The following APLF variants were observed in gnomAD, a reference collection of about 807,000 sequenced individuals.
APLF encodes aprataxin and PNKP like factor.
APLF carries 61 observed loss-of-function variants against 55.6 expected under a neutral mutation model. That is an observed-to-expected ratio of 1.10 (90% CI 0.89 to 1.36). The LOEUF is 1.36. Ranked by LOEUF, APLF falls within the 40% of genes most tolerant of loss-of-function variation. The pLI is 0.00. For missense variants in APLF, 611 were observed against 602.5 expected, an observed-to-expected ratio of 1.01 and a Z score of -0.15; for synonymous variants, 207 against 214.8, an observed-to-expected ratio of 0.96 and a Z score of 0.32.
chr2:68,570,633 T>C (rs1341823223), intron 9 of APLF, among the ~76,000 whole-genome samples: 5 of 152,330 alleles, frequency 3.3e-5, no homozygotes, highest in African/African-American at 1.2e-4. Context: ...TCATCCTTTT[T>C]TATGGCTGCA....
At chr2:68,563,226 A>G in intron 8 of APLF, 1 of 985,308 alleles carries the variant, frequency 1.0e-6, no homozygotes, top group Non-Finnish European at 1.2e-6. Context: ...CAAAGAAACA[A>G]CTTTCCCCTT....
intron 5 of APLF, among the ~76,000 whole-genome samples, chr2:68,519,047 T>C (rs1185281400): frequency 2.4e-5 from 3 of 127,616 alleles, no homozygotes; most frequent in East Asian, 4.2e-4. Context: ...TATATAATAA[T>C]ATAATATATA....
At chr2:68,469,006 GTGTGTGTGTGTGTGT>G (rs1675527547) in intron 1 of APLF, among the ~76,000 whole-genome samples, 1 of 147,638 alleles carries the variant, frequency 6.8e-6, no homozygotes, top group African/African-American at 2.7e-5. Flanking sequence ...GTGTGTGTGT[GTGTGTGTGTGTGTGT>G]TGTGTGTTGT....
chr2:68,567,624 T>C (rs1671342623), intron 9 of APLF, among the ~76,000 whole-genome samples: 1 of 152,108 alleles, frequency 6.6e-6, no homozygotes, highest in South Asian at 2.1e-4. Flanking sequence ...TTAGGATTCT[T>C]TTGTTTGCAA....
At chr2:68,540,360 A>G (rs1360253942) in intron 7 of APLF, among the ~76,000 whole-genome samples, 1 of 152,214 alleles carries the variant, frequency 6.6e-6, no homozygotes. Context: ...TTATGGCTGC[A>G]TAATATTCCA....
chr2:68,520,565 A>G (rs1351750132), intron 5 of APLF, among the ~76,000 whole-genome samples: 2 of 151,918 alleles, frequency 1.3e-5, no homozygotes, highest in Non-Finnish European at 2.9e-5. Flanking sequence ...CATTTGTTGA[A>G]TAGGGTGTCC....
At chr2:68,546,591 G>T (rs1670713803) in intron 8 of APLF, among the ~76,000 whole-genome samples, 1 of 151,684 alleles carries the variant, frequency 6.6e-6, no homozygotes, top group Non-Finnish European at 1.5e-5. Flanking sequence ...TCTATCTAAG[G>T]AATGCATGTT....
intron 8 of APLF, among the ~76,000 whole-genome samples, chr2:68,556,327 AC>A (rs1326510417): frequency 2.0e-5 from 3 of 152,152 alleles, no homozygotes; most frequent in Non-Finnish European, 2.9e-5. Context: ...ACCAAATACC[AC>A]CTGTTCCCCA....
chr2:68,496,755 A>G (rs1169684513), intron 2 of APLF, among the ~76,000 whole-genome samples: 1 of 152,174 alleles, frequency 6.6e-6, no homozygotes, highest in Admixed American at 6.5e-5. Context: ...AAGACGTAAC[A>G]TACTTGACCT....
intron 2 of APLF, among the ~76,000 whole-genome samples, chr2:68,494,111 A>G (rs1676460219): frequency 6.7e-6 from 1 of 148,972 alleles, no homozygotes; most frequent in Admixed American, 6.7e-5. Context: ...CCGTCCCAAA[A>G]GAGAAAAAAA....
intron 1 of APLF, among the ~76,000 whole-genome samples, chr2:68,480,976 G>A (rs1336548352): frequency 6.6e-6 from 1 of 152,162 alleles, no homozygotes; most frequent in South Asian, 2.1e-4. Flanking sequence ...TGATCATGGT[G>A]TATAATCTTT....
At chr2:68,525,835 C>T (rs1265712902) in intron 5 of APLF, among the ~76,000 whole-genome samples, 1 of 144,178 alleles carries the variant, frequency 6.9e-6, no homozygotes, top group African/African-American at 2.6e-5. Flanking sequence ...CTGCAACCTC[C>T]ACCTCCTGGG....
In APLF at chr2:68,579,331, A is replaced by G; in HGVS notation, c.*1309A>G. 1.1e-6 allele frequency: 1 copy of G among 943,932 alleles called. No individual in the cohort carries two copies. The highest frequency in any genetic ancestry group is 1.3e-6 in the Non-Finnish European group (1 of 792,206). 58.5% of individuals were successfully genotyped at this position (943,932 alleles called of 1,614,324 possible). A position where few individuals can be genotyped will look rare whatever the true frequency, so the allele number is the denominator to read the frequency against. On this transcript the variant is annotated 3_prime_UTR_variant, in exon 10 of 10. Transcript: ENST00000303795. ...TTATTTGGGAACTATTTTTCCCCTTATAATGTCCCTTTAGCCTTGGTAGTA... is the reference window on the plus strand; with the variant it reads ...TTATTTGGGAACTATTTTTCCCCTTGTAATGTCCCTTTAGCCTTGGTAGTA...
intron 9 of APLF, among the ~76,000 whole-genome samples, chr2:68,568,783 A>G (rs1370397920): frequency 6.6e-6 from 1 of 152,182 alleles, no homozygotes; most frequent in African/African-American, 2.4e-5. Flanking sequence ...AATGAAGAAC[A>G]TATTTTAGGA....
chr2:68,537,235 T>C (rs1411171637), intron 6 of APLF, among the ~76,000 whole-genome samples: 1 of 152,066 alleles, frequency 6.6e-6, no homozygotes, highest in Non-Finnish European at 1.5e-5. Context: ...AACAGTGACA[T>C]TTAAGAGAAG....
At chr2:68,549,911 G>C (rs1425386381) in intron 8 of APLF, among the ~76,000 whole-genome samples, 1 of 151,986 alleles carries the variant, frequency 6.6e-6, no homozygotes, top group Non-Finnish European at 1.5e-5. Flanking sequence ...TCCAGTTTCT[G>C]TTTGCTTTTG....
At chr2:68,522,495 T>C (rs1669923270) in intron 5 of APLF, among the ~76,000 whole-genome samples, 1 of 151,912 alleles carries the variant, frequency 6.6e-6, no homozygotes, top group Non-Finnish European at 1.5e-5. Flanking sequence ...TTTCTTTATG[T>C]ATGCCTTCTA....
intron 1 of APLF, among the ~76,000 whole-genome samples, chr2:68,473,336 A>G (rs941006379): frequency 1.3e-5 from 2 of 152,136 alleles, no homozygotes; most frequent in Non-Finnish European, 2.9e-5. Context: ...AAGTCTTTTC[A>G]TGGCTTGATA....
chr2:68,525,644 G>A (rs1558542293), intron 5 of APLF, among the ~76,000 whole-genome samples: 3 of 151,384 alleles, frequency 2.0e-5, no homozygotes, highest in Non-Finnish European at 4.4e-5. Flanking sequence ...GCTGCTTAAT[G>A]CTTACTGAGA....
Sources: allele counts gnomAD v4.1 joint callset (sites outside exome capture counted in the v4.1 genomes callset), GRCh38; gene constraint gnomAD v4.1.1; transcripts MANE v1.5; gene names NCBI Gene and HGNC (gene_info 2026-07-23, HGNC 2026-07-21).